DUSP22: variants seen among roughly 807,000 people sequenced by gnomAD.
DUSP22 encodes the protein dual specificity protein phosphatase 22.
DUSP22 carries 24 observed loss-of-function variants against 24.5 expected under a neutral mutation model. That is an observed-to-expected ratio of 0.98 (90% CI 0.71 to 1.38). The LOEUF (loss-of-function observed/expected upper bound fraction) is 1.38. Ranked by LOEUF, DUSP22 falls within the 40% of genes most tolerant of loss-of-function variation. The pLI is 0.00. For synonymous variants in DUSP22, 160 were observed against 106.4 expected (o/e 1.50, Z -3.10); for missense variants, 330 against 269.2 (o/e 1.23, Z -1.58).
chr6:343,534 T>C (rs1361043085), intron 4 of DUSP22, among the ~76,000 whole-genome samples: 2 of 152,310 alleles, frequency 1.3e-5, no homozygotes, highest in Non-Finnish European at 2.9e-5. Flanking sequence ...GGGGCAGTTA[T>C]CCCTGGGAAA....
intron 3 of DUSP22, chr6:325,622 G>C: frequency 4.6e-6 from 1 of 217,000 alleles, no homozygotes; most frequent in Non-Finnish European, 8.9e-6. Context: ...GTATCTGCTG[G>C]TGCCTGGAGT....
At chr6:339,235 C>T (rs1002511766) in intron 4 of DUSP22, among the ~76,000 whole-genome samples, 1 of 152,304 alleles carries the variant, frequency 6.6e-6, no homozygotes. Flanking sequence ...TTTGGAAATA[C>T]TCACTTGCTT....
At chr6:334,985 A>G in intron 3 of DUSP22, 129 bp from the exon 4 acceptor site, 1 of 1,122,274 alleles carries the variant, frequency 8.9e-7, no homozygotes, top group Non-Finnish European at 1.3e-6. Context: ...CTTGGCAACA[A>G]AAGATGAGTG....
At chr6:303,648 G>C (rs1757685638) in intron 1 of DUSP22, among the ~76,000 whole-genome samples, 1 of 152,306 alleles carries the variant, frequency 6.6e-6, no homozygotes, top group African/African-American at 2.4e-5. Flanking sequence ...AGACGAGCTG[G>C]TTGTATGTGC....
Position 348,961 on chromosome 6 carries a change from C to A in DUSP22, c.*10C>A, listed in dbSNP as rs766525294. 3 of 1,572,976 alleles carry A rather than the reference C, an allele frequency of 1.9e-6. No individual in the cohort carries two copies. The highest frequency in any genetic ancestry group is 2.6e-6 in the Non-Finnish European group (3 of 1,158,500). On this transcript the variant is annotated 3_prime_UTR_variant, in exon 7 of 7. Transcript: ENST00000419235. ...TACGACGGAGACCTAACGCAAGCGACCTGCTGCCTTCCTTCCCACTGCTTG... is the reference window on the plus strand; with the variant it reads ...TACGACGGAGACCTAACGCAAGCGAACTGCTGCCTTCCTTCCCACTGCTTG...
At chr6:332,911 G>A (rs1013903177) in intron 3 of DUSP22, among the ~76,000 whole-genome samples, 9 of 152,306 alleles carry the variant, frequency 5.9e-5, no homozygotes, top group African/African-American at 2.2e-4. Context: ...CAAGCTTCTG[G>A]ACTGATCGAC....
At chr6:323,933 A>G (rs1350369164) in intron 3 of DUSP22, among the ~76,000 whole-genome samples, 1 of 152,306 alleles carries the variant, frequency 6.6e-6, no homozygotes, top group African/African-American at 2.4e-5. Context: ...TGTCAGTGAG[A>G]GCAGATGGAG....
chr6:348,983 C>T lies in DUSP22; in HGVS notation c.*32C>T. ...CGACCTGCTGCCTTCCTTCCCACTG[C>T]TTGTCTTCAGTGTGCCCGGCTGGGC... is the stretch of plus-strand genomic sequence containing the variant. On this transcript the variant is annotated 3_prime_UTR_variant, in exon 7 of 7. Transcript: ENST00000419235. 1.3e-6 allele frequency: 2 copies of T among 1,556,808 alleles called. No homozygotes were observed. The highest frequency in any genetic ancestry group is 2.3e-5 in the South Asian group (2 of 85,292).
At chr6:315,919 G>C (rs561148382) in intron 3 of DUSP22, among the ~76,000 whole-genome samples, 35 of 152,408 alleles carry the variant, frequency 2.3e-4, no homozygotes, top group African/African-American at 8.4e-4. Flanking sequence ...GTGACAGTGA[G>C]AGAAGAGCTG....
intron 3 of DUSP22, among the ~76,000 whole-genome samples, chr6:330,892 A>G (rs902635329): frequency 6.6e-6 from 1 of 152,300 alleles, no homozygotes. Flanking sequence ...CGGTTGTTCT[A>G]TACTAATTGT....
rs200549193 is a variant in DUSP22 at position 311,858 on chromosome 6, C to T, written c.56-22C>T. On this transcript the variant is annotated intron_variant, in intron 2 of 6. Coordinates refer to ENST00000419235, the MANE Select transcript of DUSP22 (RefSeq NM_001286555.3). ...TAACTTGCAAAGATATCAAAATGTCCATCCCCTTTCTTCTCTGACAGATGC... is the reference window on the plus strand; with the variant it reads ...TAACTTGCAAAGATATCAAAATGTCTATCCCCTTTCTTCTCTGACAGATGC... The T allele has an allele frequency of 3.3e-4, 535 of 1,606,320 alleles. No homozygotes were observed. In the East Asian group the frequency reaches 0.012, roughly 36 times the overall value.
chr6:343,626 T>A (rs1358672211), intron 4 of DUSP22, among the ~76,000 whole-genome samples: 1 of 150,948 alleles, frequency 6.6e-6, no homozygotes, highest in Non-Finnish European at 1.5e-5. Flanking sequence ...GATTTGTGCT[T>A]GTGGTGACCC....
Position 349,178 on chromosome 6 carries a change from C to T in DUSP22, c.*227C>T. 1 of 1,426,518 alleles carries T rather than the reference C, an allele frequency of 7.0e-7. No individual in the cohort carries two copies. The highest frequency in any genetic ancestry group is 9.1e-7 in the Non-Finnish European group (1 of 1,095,010). The allele number at this position is 1,426,518 out of a possible 1,614,324, so 88.4% of individuals were successfully genotyped here. On this transcript the variant is annotated 3_prime_UTR_variant, in exon 7 of 7. Transcript: ENST00000419235. Reference sequence around the variant, plus strand: ...AGCTTGCTGCCCCTGGGGATGTTGCCCAGTGGCTGTGCACTGCTCTGTGCA... The same window carrying T: ...AGCTTGCTGCCCCTGGGGATGTTGCTCAGTGGCTGTGCACTGCTCTGTGCA...
At chr6:317,692 G>A (rs1758395756) in intron 3 of DUSP22, among the ~76,000 whole-genome samples, 1 of 152,306 alleles carries the variant, frequency 6.6e-6, no homozygotes. Flanking sequence ...CCCACATCGG[G>A]CTCCTGAGCT....
intron 4 of DUSP22, among the ~76,000 whole-genome samples, chr6:339,804 C>T (rs968712148): frequency 5.3e-4 from 80 of 152,262 alleles, no homozygotes; most frequent in Non-Finnish European, 8.1e-4. Flanking sequence ...CTGACACCTT[C>T]TGTACTTTCA....
intron 3 of DUSP22, among the ~76,000 whole-genome samples, chr6:316,578 C>A (rs1758346619): frequency 1.3e-5 from 2 of 152,300 alleles, no homozygotes; most frequent in South Asian, 4.1e-4. Flanking sequence ...AATCAGAAAC[C>A]TGATATTGTT....
At chr6:343,658 T>TGTGTGCATGTTTGTGTGTGCATGTTTGC (rs1759719754) in intron 4 of DUSP22, among the ~76,000 whole-genome samples, 1 of 143,260 alleles carries the variant, frequency 7.0e-6, no homozygotes, top group East Asian at 2.1e-4. Flanking sequence ...GCAGAACATG[T>TGTGTGCATGTTTGTGTGTGCATGTTTGC]GTGTGCATGT....
intron 1 of DUSP22, among the ~76,000 whole-genome samples, chr6:299,223 C>T (rs1428943406): frequency 1.3e-5 from 2 of 152,308 alleles, no homozygotes; most frequent in African/African-American, 4.8e-5. Context: ...TTGCTTCTGG[C>T]TTGAGCTCAG....
At chr6:341,899 C>A (rs1210784705) in intron 4 of DUSP22, among the ~76,000 whole-genome samples, 1 of 152,310 alleles carries the variant, frequency 6.6e-6, no homozygotes, top group Non-Finnish European at 1.5e-5. Flanking sequence ...CCAGGCTGAG[C>A]ACACTCCCCT....
Sources: allele counts gnomAD v4.1 joint callset (sites outside exome capture counted in the v4.1 genomes callset), GRCh38; gene constraint gnomAD v4.1.1; transcripts MANE v1.5; gene names NCBI Gene and HGNC (gene_info 2026-07-23, HGNC 2026-07-21).